The following ATP6V1E1 variants were observed in gnomAD, a reference collection of about 807,000 sequenced individuals.
ATP6V1E1 encodes the protein V-type proton ATPase subunit E 1.
Under a neutral mutation model 35.2 loss-of-function variants are expected in ATP6V1E1, and 21 were observed. The observed-to-expected ratio is 0.60, with a 90% CI of 0.42 to 0.86. The LOEUF (loss-of-function observed/expected upper bound fraction) is 0.86. Among genes scored for constraint, ATP6V1E1 ranks in the 40% least tolerant of loss-of-function variants. The pLI, the probability that ATP6V1E1 is intolerant of heterozygous loss-of-function variation, is 0.00. For synonymous variants in ATP6V1E1, 83 were observed against 87.8 expected (o/e 0.95, Z 0.30); for missense variants, 183 against 272.6 (o/e 0.67, Z 2.32).
At chr22:17,628,489 G>A (rs937756212) in intron 1 of ATP6V1E1, 114 bp downstream of exon 1, 4 of 1,422,532 alleles carry the variant, frequency 2.8e-6, no homozygotes, top group African/African-American at 1.4e-5. Context: ...TTGGAGCAAG[G>A]GACCTTCCTG....
chr22:17,609,254 G>A (rs996076146), intron 4 of ATP6V1E1, among the ~76,000 whole-genome samples: 2 of 151,242 alleles, frequency 1.3e-5, no homozygotes, highest in African/African-American at 4.9e-5. Context: ...TCCGCCTCCC[G>A]GGTTCAAGCA....
chr22:17,601,396 C>T (rs2057761124), intron 4 of ATP6V1E1, among the ~76,000 whole-genome samples: 1 of 152,290 alleles, frequency 6.6e-6, no homozygotes. Context: ...AGTCCACGGC[C>T]TAGCAGAGAA....
chr22:17,617,573 T>G (rs961019227), intron 2 of ATP6V1E1, among the ~76,000 whole-genome samples: 16 of 151,212 alleles, frequency 1.1e-4, no homozygotes, highest in African/African-American at 3.9e-4. Flanking sequence ...GGATTACAGG[T>G]GTGAGCCACC....
rs543397221 is a variant in ATP6V1E1 at position 17,608,622 on chromosome 22, C to G, written c.276+4190G>C. Among the ~76,000 whole-genome samples, 45 of 152,218 alleles carry G rather than the reference C, an allele frequency of 3.0e-4. No individual in the cohort carries two copies. The South Asian group carries it at 8.9e-3, about 30-fold the overall frequency. On this transcript the variant is annotated intron_variant, in intron 4 of 8. Coordinates refer to ENST00000253413, the MANE Select transcript of ATP6V1E1 (RefSeq NM_001696.4). ...TAAAAATTTTTTGTACAGACAGGGTCTCCCTATATTTATCAGACTGGTCTC... is the reference window on the plus strand; with the variant it reads ...TAAAAATTTTTTGTACAGACAGGGTGTCCCTATATTTATCAGACTGGTCTC...
chr22:17,609,590 T>G (rs1301378078), intron 4 of ATP6V1E1, among the ~76,000 whole-genome samples: 2 of 149,446 alleles, frequency 1.3e-5, no homozygotes, highest in Non-Finnish European at 3.0e-5. Flanking sequence ...TGCCTCAGCC[T>G]CCCGAGTAGC....
chr22:17,614,350 A>AAAAAAATAAAAAT (rs1473760161), intron 2 of ATP6V1E1, among the ~76,000 whole-genome samples: 1 of 151,678 alleles, frequency 6.6e-6, no homozygotes, highest in East Asian at 2.0e-4. Context: ...AACTCCATCT[A>AAAAAAATAAAAAT]AAAAAATAAA....
chr22:17,598,057 A>G (rs2146296429), intron 7 of ATP6V1E1, 137 bp downstream of exon 7: 1 of 685,528 alleles, frequency 1.5e-6, no homozygotes, highest in East Asian at 2.6e-5. Context: ...AACGGCTGCA[A>G]GTAGAATACA....
chr22:17,621,207 G>C (rs5992766), intron 1 of ATP6V1E1, among the ~76,000 whole-genome samples: 63,727 of 151,978 alleles, frequency 0.42, 15,212 homozygotes, highest in African/African-American at 0.65. Flanking sequence ...GTTTCTAATC[G>C]ACTCTACATT....
At chr22:17,598,330 T>A in intron 6 of ATP6V1E1, 42 bp from the exon 7 acceptor site, 2 of 1,488,746 alleles carry the variant, frequency 1.3e-6, no homozygotes, top group South Asian at 2.3e-5. Context: ...CTAGGAACTA[T>A]GAAGCAAGTA....
intron 4 of ATP6V1E1, among the ~76,000 whole-genome samples, chr22:17,605,133 T>A (rs143731003): frequency 0.089 from 9,966 of 112,202 alleles, 1,168 homozygotes; most frequent in African/African-American, 0.29. Flanking sequence ...TGAACCCGGG[T>A]GGCGGAGGCT....
intron 8 of ATP6V1E1, among the ~76,000 whole-genome samples, chr22:17,594,105 A>T (rs965474687): frequency 6.6e-6 from 1 of 152,092 alleles, no homozygotes. Flanking sequence ...GGGAGGCTGA[A>T]GCAGGAGAAT....
chr22:17,625,491 A>C (rs1463078959), intron 1 of ATP6V1E1, among the ~76,000 whole-genome samples: 1 of 151,966 alleles, frequency 6.6e-6, no homozygotes, highest in African/African-American at 2.4e-5. Context: ...TCCCAACCTC[A>C]GGTGATCTCA....
chr22:17,622,635 A>G (rs1031201445), intron 1 of ATP6V1E1, among the ~76,000 whole-genome samples: 21 of 152,136 alleles, frequency 1.4e-4, no homozygotes, highest in African/African-American at 4.8e-4. Flanking sequence ...TGTATCTCAG[A>G]ACTTAAAGTA....
chr22:17,598,845 G>A (rs2057746821), intron 6 of ATP6V1E1, among the ~76,000 whole-genome samples: 1 of 152,216 alleles, frequency 6.6e-6, no homozygotes, highest in African/African-American at 2.4e-5. Flanking sequence ...CGGATAGAAA[G>A]CAGGACAGAT....
chr22:17,619,892 T>A (rs1051265103), intron 1 of ATP6V1E1, among the ~76,000 whole-genome samples: 11 of 152,182 alleles, frequency 7.2e-5, no homozygotes, highest in Non-Finnish European at 1.0e-4. Context: ...TTCATCCTCC[T>A]CTCAAGGAAC....
chr22:17,615,571 A>T (rs1050027862), intron 2 of ATP6V1E1, among the ~76,000 whole-genome samples: 1 of 151,992 alleles, frequency 6.6e-6, no homozygotes, highest in South Asian at 2.1e-4. Flanking sequence ...TGAACCCAGG[A>T]GGCAGAGGTT....
intron 4 of ATP6V1E1, among the ~76,000 whole-genome samples, chr22:17,602,200 T>G: frequency 6.6e-6 from 1 of 151,620 alleles, no homozygotes; most frequent in East Asian, 2.0e-4. Context: ...TGCCAACATA[T>G]CCAGCCTCAA....
intron 2 of ATP6V1E1, among the ~76,000 whole-genome samples, chr22:17,618,465 G>A (rs1041932703): frequency 4.0e-5 from 6 of 151,118 alleles, no homozygotes; most frequent in Admixed American, 6.6e-5. Context: ...GGCAGATCAC[G>A]AGGTCAGGAG....
intron 1 of ATP6V1E1, among the ~76,000 whole-genome samples, chr22:17,622,950 G>A (rs1457081866): frequency 1.3e-5 from 2 of 152,148 alleles, no homozygotes; most frequent in African/African-American, 2.4e-5. Context: ...TGGGCAAGAA[G>A]AGCGAAACTC....
Sources: allele counts gnomAD v4.1 joint callset (sites outside exome capture counted in the v4.1 genomes callset), GRCh38; gene constraint gnomAD v4.1.1; transcripts MANE v1.5; gene names NCBI Gene and HGNC (gene_info 2026-07-23, HGNC 2026-07-21).